CXADR: variants seen among roughly 807,000 people sequenced by gnomAD.
The protein encoded by CXADR is coxsackievirus and adenovirus receptor.
In CXADR, 20 loss-of-function variants were observed where a neutral mutation model predicts 40.3. That is an observed-to-expected ratio of 0.50 (90% confidence interval 0.35 to 0.72). The LOEUF is 0.72. CXADR is among the 30% of genes least tolerant of loss of function. The probability of loss-of-function intolerance (pLI) is 0.01; values close to 1 mark genes in which losing one functional copy is unlikely to be tolerated. For synonymous variants in CXADR, 150 were observed against 161.3 expected, an observed-to-expected ratio of 0.93 and a Z score of 0.53; for missense variants, 332 against 449.1, an observed-to-expected ratio of 0.74 and a Z score of 2.36.
chr21:17,566,682 T>C lies in CXADR; in HGVS notation c.*990T>C. 1.0e-6 allele frequency: 1 copy of C among 983,712 alleles called. No homozygotes were observed. 60.9% of individuals were successfully genotyped at this position (983,712 alleles called of 1,614,324 possible). Reference sequence around the variant, plus strand: ...GCTTTATGTTGTTGTTGTTTTTGGATGGTGTTACATATTATATGTTCTAGA... The same window carrying C: ...GCTTTATGTTGTTGTTGTTTTTGGACGGTGTTACATATTATATGTTCTAGA... On this transcript the variant is annotated 3_prime_UTR_variant, in exon 7 of 7. Transcript: ENST00000284878.
intron 1 of CXADR, among the ~76,000 whole-genome samples, chr21:17,515,162 G>A (rs961594123): frequency 3.9e-5 from 6 of 152,146 alleles, no homozygotes; most frequent in African/African-American, 7.2e-5. Flanking sequence ...CTGAGGCCAG[G>A]CACGGTGCTT....
At chr21:17,621,301 GC>G in the CXADR span, among the ~76,000 whole-genome samples, 1 of 152,086 alleles carries the variant, frequency 6.6e-6, no homozygotes, top group Non-Finnish European at 1.5e-5. Flanking sequence ...AAATTACCTT[GC>G]TTTTATTTTT....
chr21:17,605,199 A>G, the CXADR span: 4 of 526,080 alleles, frequency 7.6e-6, no homozygotes, highest in Admixed American at 1.4e-4. Context: ...GATGGCACCT[A>G]TGTGAGCCCA....
At chr21:17,575,584 G>A (rs879273481) in intron 7 of CXADR, among the ~76,000 whole-genome samples, 33 of 147,428 alleles carry the variant, frequency 2.2e-4, no homozygotes, top group Non-Finnish European at 4.0e-4. Flanking sequence ...TCCGCCACCC[G>A]GGTTCACGCC....
chr21:17,631,915 G>T, the CXADR span, among the ~76,000 whole-genome samples: 2 of 152,144 alleles, frequency 1.3e-5, no homozygotes, highest in Non-Finnish European at 2.9e-5. Flanking sequence ...GGGCTCAATA[G>T]ATCGTTCCAC....
Position 17,513,186 on chromosome 21 carries a change from A to G in CXADR, c.43+14A>G, listed in dbSNP as rs116898279. 10 of 1,362,560 alleles carry G rather than the reference A, an allele frequency of 7.3e-6. No individual in the cohort carries two copies. Among genetic ancestry groups the G allele is most frequent in the African/African-American group, 1.5e-5 (1 of 65,516 alleles). 84.4% of individuals were successfully genotyped at this position (1,362,560 alleles called of 1,614,324 possible). A position where few individuals can be genotyped will look rare whatever the true frequency, so the allele number is the denominator to read the frequency against. On this transcript the variant is annotated intron_variant, in intron 1 of 6. Transcript: ENST00000284878. The stretch of plus-strand genomic sequence containing the variant: ...GCGGAGTAGTGGGTGAGTAGGGGCC[A>G]TGGGGTCCTCAGCACCCGCCCAGCC...
intron 3 of CXADR, among the ~76,000 whole-genome samples, chr21:17,556,420 A>T (rs2061037274): frequency 6.6e-6 from 1 of 152,176 alleles, no homozygotes; most frequent in Non-Finnish European, 1.5e-5. Context: ...CAGCTATTTT[A>T]AATAACTATC....
intron 7 of CXADR, among the ~76,000 whole-genome samples, chr21:17,582,546 T>G (rs1363416556): frequency 1.3e-5 from 2 of 152,208 alleles, no homozygotes; most frequent in Non-Finnish European, 2.9e-5. Flanking sequence ...TTCATGTGTT[T>G]ATCTCCTATC....
chr21:17,618,377 A>G, the CXADR span, among the ~76,000 whole-genome samples: 1 of 152,098 alleles, frequency 6.6e-6, no homozygotes, highest in African/African-American at 2.4e-5. Flanking sequence ...AACTTCTATT[A>G]ATGTTGATAT....
intron 1 of CXADR, among the ~76,000 whole-genome samples, chr21:17,539,815 T>G (rs931569904): frequency 5.3e-5 from 8 of 152,162 alleles, no homozygotes; most frequent in African/African-American, 1.7e-4. Flanking sequence ...TCCCAATATG[T>G]TTAAATCTTC....
rs35020228 is a variant in CXADR, at chr21:17,563,940, C to CAAAA, written c.834-1470_834-1467dup. 0.01 allele frequency among the ~76,000 whole-genome samples: 382 copies of CAAAA among 37,132 alleles called. 41 individuals are homozygous for CAAAA. In the East Asian group the frequency reaches 0.21, roughly 20 times the overall value. 24.4% of individuals were successfully genotyped at this position (37,132 alleles called of 152,430 possible). On this transcript the variant is annotated intron_variant, in intron 6 of 6. Coordinates refer to ENST00000284878, the MANE Select transcript of CXADR (RefSeq NM_001338.5). ...TGGGCAACAGAGCAAGACTCTGTCTCAAAAAAAAAAAAAAAAAAAAAGGTA... is the reference window on the plus strand; with the variant it reads ...TGGGCAACAGAGCAAGACTCTGTCTCAAAAAAAAAAAAAAAAAAAAAAAAAGGTA...
chr21:17,577,696 G>C (rs2123371053), intron 7 of CXADR, among the ~76,000 whole-genome samples: 1 of 127,684 alleles, frequency 7.8e-6, no homozygotes, highest in Admixed American at 9.3e-5. Context: ...AGGAAAAAAA[G>C]TGAACTTCTG....
chr21:17,547,918 C>T (rs1289908900), intron 2 of CXADR, among the ~76,000 whole-genome samples: 1 of 152,042 alleles, frequency 6.6e-6, no homozygotes, highest in South Asian at 2.1e-4. Flanking sequence ...ATGTAGAAAA[C>T]TTGGAAAGCC....
At chr21:17,543,518 G>A (rs1400224819) in intron 1 of CXADR, among the ~76,000 whole-genome samples, 1 of 151,996 alleles carries the variant, frequency 6.6e-6, no homozygotes, top group Non-Finnish European at 1.5e-5. Context: ...GTTATTGATA[G>A]CAATTTTTTA....
chr21:17,541,951 A>G (rs1005298286), intron 1 of CXADR: 2 of 287,382 alleles, frequency 7.0e-6, no homozygotes, highest in African/African-American at 4.6e-5. Context: ...ATACTTTGAC[A>G]TTATGTAACA....
At chr21:17,599,058 C>G in the CXADR span, 1 of 379,996 alleles carries the variant, frequency 2.6e-6, no homozygotes, top group Non-Finnish European at 4.6e-6. Flanking sequence ...TTTTCTTTCC[C>G]TTATTTTCTT....
At chr21:17,605,220 T>C in the CXADR span, 1 of 431,566 alleles carries the variant, frequency 2.3e-6, no homozygotes, top group South Asian at 3.7e-5. Flanking sequence ...AGGAAATCAC[T>C]AGTACTGGGT....
chr21:17,578,544 T>C (rs968316091), intron 7 of CXADR, among the ~76,000 whole-genome samples: 3 of 152,194 alleles, frequency 2.0e-5, no homozygotes, highest in Admixed American at 2.0e-4. Context: ...TAAAGAAATC[T>C]AAGGAAGCAG....
At chr21:17,602,011 TAGG>T in the CXADR span, among the ~76,000 whole-genome samples, 5 of 152,190 alleles carry the variant, frequency 3.3e-5, no homozygotes, top group Middle Eastern at 3.2e-3. Flanking sequence ...GTCGATATCT[TAGG>T]AGAATTAGTA....
Sources: gnomAD v4.1 joint callset for allele counts (sites outside exome capture counted in the v4.1 genomes callset) on GRCh38, gnomAD v4.1.1 for gene constraint, MANE v1.5 for transcripts, NCBI Gene and HGNC (gene_info 2026-07-23, HGNC 2026-07-21) for gene names.